Variants in RAPGEF1 observed in about 807,000 individuals in gnomAD.
RAPGEF1 encodes CRK SH3-binding GNRP.
Under a neutral mutation model 143.3 loss-of-function variants are expected in RAPGEF1, and 33 were observed. That is an observed-to-expected ratio of 0.23 (90% confidence interval 0.17 to 0.31). The LOEUF (loss-of-function observed/expected upper bound fraction) is 0.31, where lower values mean the gene tolerates loss of function less well. Among genes scored for constraint, RAPGEF1 ranks in the 10% least tolerant of loss-of-function variants. The pLI, the probability that RAPGEF1 is intolerant of heterozygous loss-of-function variation, is 1.00. For synonymous variants in RAPGEF1, 629 were observed against 676.5 expected, an observed-to-expected ratio of 0.93 and a Z score of 1.09; for missense variants, 1,199 against 1,645.4, an observed-to-expected ratio of 0.73 and a Z score of 4.69.
At chr9:131,710,163 G>A (rs528863778) in intron 1 of RAPGEF1, among the ~76,000 whole-genome samples, 2 of 152,232 alleles carry the variant, frequency 1.3e-5, no homozygotes, top group East Asian at 1.9e-4. Context: ...CTTATGCCAC[G>A]CCTTCTATTT....
chr9:131,587,540 C>T (rs914077591), intron 22 of RAPGEF1, among the ~76,000 whole-genome samples, 196 bp downstream of exon 22: 4 of 152,224 alleles, frequency 2.6e-5, no homozygotes, highest in Non-Finnish European at 4.4e-5. Flanking sequence ...ACCAGGTGGC[C>T]ACTTCCAGCA....
chr9:131,637,214 C>T lies in RAPGEF1; in HGVS notation c.651+1421G>A, dbSNP rs562540068. On this transcript the variant is annotated intron_variant, in intron 5 of 26. Coordinates refer to ENST00000683357, the MANE Select transcript of RAPGEF1 (RefSeq NM_001377935.1). ...CACTCCAGCCTGGGTGACAGAGTGACATTCCGTCTCAGAGAAAAAAAAAAA... is the reference window on the plus strand; with the variant it reads ...CACTCCAGCCTGGGTGACAGAGTGATATTCCGTCTCAGAGAAAAAAAAAAA... Among the ~76,000 whole-genome samples the T allele has an allele frequency of 2.0e-5, 3 of 148,870 alleles. No homozygotes were observed. The South Asian group carries it at 6.4e-4, about 32-fold the overall frequency.
intron 16 of RAPGEF1, 146 bp from the exon 17 acceptor site, chr9:131,596,519 T>A: frequency 1.2e-6 from 1 of 821,592 alleles, no homozygotes; most frequent in Non-Finnish European, 2.0e-6. Flanking sequence ...CCAGGAGCAG[T>A]GTGGCTGCGC....
At chr9:131,709,099 A>C (rs796738065) in intron 1 of RAPGEF1, among the ~76,000 whole-genome samples, 12 of 152,268 alleles carry the variant, frequency 7.9e-5, no homozygotes, top group African/African-American at 2.9e-4. Flanking sequence ...CTATAATCCC[A>C]GCACTTTGGG....
chr9:131,726,247 TAC>T (rs1385200876), intron 1 of RAPGEF1, among the ~76,000 whole-genome samples: 3 of 152,112 alleles, frequency 2.0e-5, no homozygotes, highest in African/African-American at 7.2e-5. Context: ...TCAAAGTCAG[TAC>T]AGAGTAAAAG....
rs755131975 is a variant in RAPGEF1 at position 131,626,311 on chromosome 9, G to C, written c.1313C>G (p.Ser438Cys). ...LSPLPESLGE[S>C]GSPFLGPPFQ... is the part of the protein sequence containing the mutation. ...AGGAGGGCCAAGAAATGGAGACCCAGACTCCCCCAAAGACTCTGGCAACGG... is the reference window on the plus strand; with the variant it reads ...AGGAGGGCCAAGAAATGGAGACCCACACTCCCCCAAAGACTCTGGCAACGG... The change falls in exon 10 of 27, where the codon TCT becomes TGT. Residue 438 changes from serine (S) to cysteine (C), a missense_variant. By Grantham distance (112) the Ser-to-Cys change is moderately radical (BLOSUM62 -1). Transcript: ENST00000683357. The C allele has an allele frequency of 6.2e-7, 1 of 1,614,054 alleles. No individual in the cohort carries two copies. The highest frequency in any genetic ancestry group is 2.2e-5 in the East Asian group (1 of 44,890).
Position 131,598,238 on chromosome 9 carries a change from G to A in RAPGEF1, c.2574C>T (p.Asp858=). 6.2e-7 allele frequency: 1 copy of A among 1,614,016 alleles called. No homozygotes were observed. The highest frequency in any genetic ancestry group is 8.5e-7 in the Non-Finnish European group (1 of 1,179,892). ...TCAGCCTGGACATAATTTCGTTGTG[G>A]TCAATGAGGGACAGCTCGTCCACTT... ...EEEVDELSLI[D]HNEIMSRLTL... The change falls in exon 16 of 27, where the codon GAC becomes GAT. Residue 858 remains aspartate (D), a synonymous_variant. Transcript: ENST00000683357.
At chr9:131,635,636 G>A (rs1966183658) in intron 5 of RAPGEF1, among the ~76,000 whole-genome samples, 4 of 152,166 alleles carry the variant, frequency 2.6e-5, no homozygotes, top group Admixed American at 2.0e-4. Flanking sequence ...TGAAAGGGAC[G>A]GTGAGAGAGG....
At chr9:131,604,103 C>T (rs538487517) in intron 13 of RAPGEF1, 50 bp from the exon 14 acceptor site, 115 of 1,182,786 alleles carry the variant, frequency 9.7e-5, no homozygotes, top group Admixed American at 5.8e-4. Context: ...GCCCTCCAGC[C>T]GGCCCTCACA....
At chr9:131,713,208 G>C (rs1238014417) in intron 1 of RAPGEF1, among the ~76,000 whole-genome samples, 6 of 152,138 alleles carry the variant, frequency 3.9e-5, no homozygotes, top group African/African-American at 1.4e-4. Flanking sequence ...GTGGCTGTAC[G>C]AACTGCCTTC....
chr9:131,597,292 G>A (rs1955468185), intron 16 of RAPGEF1, among the ~76,000 whole-genome samples: 1 of 152,210 alleles, frequency 6.6e-6, no homozygotes, highest in African/African-American at 2.4e-5. Flanking sequence ...TAGGAACTAT[G>A]CCTTTGACCT....
chr9:131,591,227 T>C (rs926329149), intron 18 of RAPGEF1, among the ~76,000 whole-genome samples: 4 of 152,118 alleles, frequency 2.6e-5, no homozygotes, highest in Admixed American at 6.5e-5. Context: ...GAGGGGAGAA[T>C]AGGAGGCCAG....
chr9:131,624,896 T>C (rs1287834540), intron 10 of RAPGEF1, among the ~76,000 whole-genome samples: 2 of 152,214 alleles, frequency 1.3e-5, no homozygotes, highest in Admixed American at 6.5e-5. Flanking sequence ...CAACACCCAC[T>C]GAGGAGCTGG....
At chr9:131,728,917 G>C (rs1310578435) in intron 1 of RAPGEF1, among the ~76,000 whole-genome samples, 1 of 152,140 alleles carries the variant, frequency 6.6e-6, no homozygotes, top group Non-Finnish European at 1.5e-5. Context: ...GGTACTGTTA[G>C]GATTTTCCCC....
chr9:131,731,727 G>C lies in RAPGEF1; in HGVS notation c.61+8043C>G, dbSNP rs184044277. On this transcript the variant is annotated intron_variant, in intron 1 of 26. Transcript: ENST00000683357. ...AACCACACAGCATCCTGTGCTCAGT[G>C]CTCCATTTCTACGCTTTAAAAGCAC... Among the ~76,000 whole-genome samples, 4 of 152,334 alleles carry C rather than the reference G, an allele frequency of 2.6e-5. No homozygotes were observed. The East Asian group carries it at 7.7e-4, about 29-fold the overall frequency.
chr9:131,724,706 G>A (rs1836525249), intron 1 of RAPGEF1, among the ~76,000 whole-genome samples: 1 of 152,178 alleles, frequency 6.6e-6, no homozygotes, highest in Admixed American at 6.5e-5. Flanking sequence ...TAGAAAGAAA[G>A]CCTACAGCAA....
intron 1 of RAPGEF1, among the ~76,000 whole-genome samples, chr9:131,668,349 A>T (rs1451367662): frequency 6.6e-6 from 1 of 152,264 alleles, no homozygotes; most frequent in Non-Finnish European, 1.5e-5. Context: ...ATTAGATATT[A>T]AAATTTAGAT....
At position 131,608,919 on chromosome 9, in the gene RAPGEF1, C is replaced by T. The variant is rs867770574; in HGVS notation, c.2062-3731G>A. 7.9e-5 allele frequency among the ~76,000 whole-genome samples: 12 copies of T among 152,210 alleles called. No individual in the cohort carries two copies. The South Asian group carries it at 8.3e-4, about 10-fold the overall frequency. On this transcript the variant is annotated intron_variant, in intron 12 of 26. Coordinates refer to ENST00000683357, the MANE Select transcript of RAPGEF1 (RefSeq NM_001377935.1). ...AGGGCGGGCCATTCCACAGAAACGC[C>T]GCCTCATCACAGCCTGGAGTTTATT...
intron 1 of RAPGEF1, among the ~76,000 whole-genome samples, chr9:131,673,568 T>C (rs1177964684): frequency 6.6e-6 from 1 of 152,174 alleles, no homozygotes. Flanking sequence ...GAACCAACTG[T>C]AAATCAACTG....
Sources: gnomAD v4.1 joint callset for allele counts (sites outside exome capture counted in the v4.1 genomes callset) on GRCh38, gnomAD v4.1.1 for gene constraint, MANE v1.5 for transcripts, NCBI Gene and HGNC (gene_info 2026-07-23, HGNC 2026-07-21) for gene names.